Variants in MUC22 observed in about 807,000 individuals in gnomAD.
MUC22 encodes mucin 22.
In MUC22, 24 loss-of-function variants were observed where a neutral mutation model predicts 40.3. The observed-to-expected ratio is 0.60, with a 90% CI of 0.43 to 0.84. The LOEUF (loss-of-function observed/expected upper bound fraction) is 0.84. Among genes scored for constraint, MUC22 ranks in the 40% least tolerant of loss-of-function variants. MUC22 has a pLI of 0.00. For missense variants in MUC22, 1,926 were observed against 2,130.7 expected (o/e 0.90, Z 1.89); for synonymous variants, 765 against 844.5 (o/e 0.91, Z 1.63).
At position 31,034,700 on chromosome 6, in the gene MUC22, G is replaced by T; in HGVS notation, c.5084G>T (p.Cys1695Phe). 6.5e-7 allele frequency: 1 copy of T among 1,535,214 alleles called. No homozygotes were observed. The highest frequency in any genetic ancestry group is 8.7e-7 in the Non-Finnish European group (1 of 1,146,664). ...AACCTTTTCTTCCCCCTGAGATATT[G>T]TGGTATTTATTACCCCCATGGCCAC... is the stretch of plus-strand genomic sequence containing the variant. Residue 1695 changes from cysteine (C) to phenylalanine (F), a missense_variant, in exon 4 of 4, where the codon TGT (cysteine) becomes TTT (phenylalanine). This residue lies in a region of MUC22 where 610 missense variants were observed against 714.6 expected (regional missense o/e 0.85). Coordinates refer to ENST00000561890, the Ensembl canonical transcript of MUC22.
chr6:31,021,890 A>G (rs978332281), intron 1 of MUC22, among the ~76,000 whole-genome samples: 3 of 150,090 alleles, frequency 2.0e-5, no homozygotes, highest in South Asian at 2.1e-4. Context: ...GCTCTTTGCA[A>G]TAGATTTTGC....
At chr6:31,028,357 A>G in exon 2 of MUC22, 2 of 1,532,464 alleles carry the variant, frequency 1.3e-6, no homozygotes, top group South Asian at 2.4e-5. Context: ...TGAGATTACT[A>G]CAGCCTCCAT....
chr6:31,025,386 A>G (rs1765192344), intron 1 of MUC22, 116 bp from the exon 2 acceptor site: 3 of 1,237,246 alleles, frequency 2.4e-6, no homozygotes, highest in Non-Finnish European at 2.2e-6. Flanking sequence ...TAAGCCCTCA[A>G]TAACTGAATA....
Position 31,026,983 on chromosome 6 carries a change from G to A in MUC22, c.1552G>A (p.Ala518Thr). ...TACTGAAGATTCTGAAACCAACACA[G>A]CATTTACTGAAGATTCTAAGACTAC... The change falls in exon 2 of 4, where the codon GCA becomes ACA. Residue 518 changes from alanine (A) to threonine (T), a missense_variant. Transcript: ENST00000561890. 5 of 1,493,678 alleles carry A rather than the reference G, an allele frequency of 3.3e-6. 1 individual carries two copies. The highest frequency in any genetic ancestry group is 3.6e-6 in the Non-Finnish European group (4 of 1,119,092). 92.5% of individuals were successfully genotyped at this position (1,493,678 alleles called of 1,614,324 possible).
chr6:31,028,724 C>T (rs182720284), exon 2 of MUC22: 2 of 1,531,334 alleles, frequency 1.3e-6, no homozygotes, highest in African/African-American at 1.4e-5. Flanking sequence ...ACCACCACCA[C>T]CTCTACTGAA....
intron 1 of MUC22, among the ~76,000 whole-genome samples, chr6:31,020,129 C>G (rs13207269): frequency 0.12 from 18,325 of 151,970 alleles, 1,313 homozygotes; most frequent in East Asian, 0.33. Context: ...AAATATCAAG[C>G]AAAATAAACT....
exon 2 of MUC22, chr6:31,026,132 G>A (rs780062791): frequency 1.6e-5 from 25 of 1,531,428 alleles, no homozygotes; most frequent in Admixed American, 5.9e-5. Flanking sequence ...TCCATGGCAG[G>A]CTCTGAGGCC....
chr6:31,027,400 A>G (rs1306083688), exon 2 of MUC22: 59 of 1,533,250 alleles, frequency 3.8e-5, no homozygotes, highest in Non-Finnish European at 4.8e-5. Flanking sequence ...TGAGACCACT[A>G]CAGTTTCTAT....
chr6:31,028,204 A>T, exon 2 of MUC22: 1 of 1,534,812 alleles, frequency 6.5e-7, no homozygotes, highest in South Asian at 1.2e-5. Context: ...AGGCTCTGAG[A>T]CCACTACAGT....
chr6:31,022,431 AC>A (rs1467792233), intron 1 of MUC22, among the ~76,000 whole-genome samples: 1 of 152,130 alleles, frequency 6.6e-6, no homozygotes, highest in Non-Finnish European at 1.5e-5. Context: ...TGCTGGGATT[AC>A]AGGCGTGAAT....
exon 4 of MUC22, chr6:31,034,862 A>G (rs1766336067): frequency 6.5e-7 from 1 of 1,535,592 alleles, no homozygotes. Context: ...GGAGTGGGCC[A>G]TGGACTGAGC....
At chr6:31,010,879 C>G in intron 1 of MUC22, 103 bp downstream of exon 1, 1 of 583,672 alleles carries the variant, frequency 1.7e-6, no homozygotes, top group Non-Finnish European at 3.0e-6. Context: ...CTTCCAGAAA[C>G]AATGATGATT....
At chr6:31,013,631 C>A (rs767590202) in intron 1 of MUC22, among the ~76,000 whole-genome samples, 1 of 152,140 alleles carries the variant, frequency 6.6e-6, no homozygotes, top group Non-Finnish European at 1.5e-5. Flanking sequence ...GTCCTGCTTC[C>A]CAGGGTTCCT....
chr6:31,029,316 C>T, exon 2 of MUC22: 1 of 1,528,484 alleles, frequency 6.5e-7, no homozygotes, highest in Non-Finnish European at 8.8e-7. Context: ...GTTCTGAGAC[C>T]ACAGCAGTCT....
At chr6:31,030,024 T>C in exon 2 of MUC22, 1 of 1,535,778 alleles carries the variant, frequency 6.5e-7, no homozygotes, top group South Asian at 1.2e-5. Flanking sequence ...CCTCCACCAC[T>C]GTCTCTTCCA....
intron 1 of MUC22, among the ~76,000 whole-genome samples, chr6:31,012,133 T>C (rs9262461): frequency 0.15 from 22,092 of 152,186 alleles, 1,768 homozygotes; most frequent in African/African-American, 0.19. Flanking sequence ...ACCAGGTTAA[T>C]TGGCTCATCC....
At chr6:31,013,122 C>A (rs1479918654) in intron 1 of MUC22, among the ~76,000 whole-genome samples, 1 of 145,200 alleles carries the variant, frequency 6.9e-6, no homozygotes, top group Non-Finnish European at 1.5e-5. Context: ...TCCTCCTCAC[C>A]CCCATTCTTT....
At chr6:31,017,053 C>T (rs1298995537) in intron 1 of MUC22, among the ~76,000 whole-genome samples, 2 of 152,256 alleles carry the variant, frequency 1.3e-5, no homozygotes, top group Non-Finnish European at 2.9e-5. Context: ...GGCTTGGGAC[C>T]TGCAGCCCGC....
At chr6:31,028,217 C>T (rs1765622590) in exon 2 of MUC22, 1 of 1,534,846 alleles carries the variant, frequency 6.5e-7, no homozygotes, top group Admixed American at 2.0e-5. Flanking sequence ...ACTACAGTAT[C>T]TGCCACAGGC....
Sources: gnomAD v4.1 joint callset for allele counts (sites outside exome capture counted in the v4.1 genomes callset) on GRCh38, gnomAD v4.1.1 for gene constraint, gnomAD v4.1.1 regional missense constraint, MANE v1.5 for transcripts, NCBI Gene and HGNC (gene_info 2026-07-23, HGNC 2026-07-21) for gene names.